CREM: variants seen among roughly 807,000 people sequenced by gnomAD.
The protein encoded by CREM is cAMP-responsive element modulator.
In CREM, 13 loss-of-function variants were observed where a neutral mutation model predicts 37.3. That is an observed-to-expected ratio of 0.35 (90% CI 0.23 to 0.55). The LOEUF (loss-of-function observed/expected upper bound fraction) is 0.55, where lower values mean the gene tolerates loss of function less well. Ranked by LOEUF, CREM falls within the 20% of genes least tolerant of loss-of-function variation. The probability of loss-of-function intolerance (pLI) is 0.88; values close to 1 mark genes in which losing one functional copy is unlikely to be tolerated. For missense variants in CREM, 296 were observed against 362.3 expected, an observed-to-expected ratio of 0.82 and a Z score of 1.49; for synonymous variants, 124 against 120.2, an observed-to-expected ratio of 1.03 and a Z score of -0.21.
intron 1 of CREM, among the ~76,000 whole-genome samples, chr10:35,135,926 C>G (rs1002410812): frequency 3.3e-5 from 5 of 152,076 alleles, no homozygotes; most frequent in African/African-American, 1.2e-4. Context: ...ATTTGGCAAG[C>G]AGGCAAGCGT....
intron 6 of CREM, among the ~76,000 whole-genome samples, chr10:35,193,010 C>T (rs2094982406): frequency 6.6e-6 from 1 of 152,208 alleles, no homozygotes; most frequent in African/African-American, 2.4e-5. Context: ...GCCTTCTTCA[C>T]ACATACCGAT....
chr10:35,147,899 C>T (rs1307313660), intron 2 of CREM, among the ~76,000 whole-genome samples: 1 of 152,128 alleles, frequency 6.6e-6, no homozygotes. Context: ...GAACCTGTTT[C>T]TTGAAGAAAA....
Position 35,154,858 on chromosome 10 carries a change from T to C in CREM, c.168+6367T>C, listed in dbSNP as rs2092801790. ...ATAATAAAAAGTAACTGGTGAACTG[T>C]TAATATTAGTAACCAACTTTTTTCA... On this transcript the variant is annotated intron_variant, in intron 3 of 7. Transcript: ENST00000685392. Among the ~76,000 whole-genome samples the C allele has an allele frequency of 1.2e-4, 19 of 152,230 alleles. 1 individual carries two copies. The highest frequency in any genetic ancestry group is 1.2e-3 in the Admixed American group (19 of 15,284).
rs1236953032 is a variant in CREM at position 35,187,218 on chromosome 10, T to A, written c.410-982T>A. Among the ~76,000 whole-genome samples, 322 of 106,514 alleles carry A rather than the reference T, an allele frequency of 3.0e-3. 4 individuals carry two copies. Among genetic ancestry groups the A allele is most frequent in the African/African-American group, 9.4e-3 (256 of 27,228 alleles). 69.9% of individuals were successfully genotyped at this position (106,514 alleles called of 152,430 possible). A position where few individuals can be genotyped will look rare whatever the true frequency, so the allele number is the denominator to read the frequency against. On this transcript the variant is annotated intron_variant, in intron 5 of 7. Transcript: ENST00000685392. Reference sequence around the variant, plus strand: ...TAATATATAATATATATTATATATTTATATATATAAAATATATAATTATAT... The same window carrying A: ...TAATATATAATATATATTATATATTAATATATATAAAATATATAATTATAT...
At position 35,212,625 on chromosome 10, in the gene CREM, G is replaced by T. The variant is rs933148339; in HGVS notation, c.*1227G>T. ...GCGCCCTTTCTACCATCTCACGGTG[G>T]GGATGGCCGCAGGGCTGTGCACCCA... On this transcript the variant is annotated 3_prime_UTR_variant, in exon 8 of 8. Transcript: ENST00000685392. 2.0e-5 allele frequency: 3 copies of T among 152,738 alleles called. No individual in the cohort carries two copies. Among genetic ancestry groups the T allele is most frequent in the African/African-American group, 4.8e-5 (2 of 41,418 alleles). The allele number at this position is 152,738 out of a possible 1,614,324, so 9.5% of individuals were successfully genotyped here. A position where few individuals can be genotyped will look rare whatever the true frequency, so the allele number is the denominator to read the frequency against.
intron 3 of CREM, among the ~76,000 whole-genome samples, chr10:35,165,487 A>T (rs1468345407): frequency 6.6e-6 from 1 of 152,150 alleles, no homozygotes; most frequent in East Asian, 1.9e-4. Flanking sequence ...ATCTACTTTT[A>T]TGTAATTCTT....
intron 3 of CREM, among the ~76,000 whole-genome samples, chr10:35,160,977 TG>T (rs1443152259): frequency 6.6e-6 from 1 of 152,216 alleles, no homozygotes; most frequent in Non-Finnish European, 1.5e-5. Context: ...TGCCTTCTTC[TG>T]GATACTCGCT....
At chr10:35,200,186 C>A (rs1431447999) in intron 6 of CREM, among the ~76,000 whole-genome samples, 1 of 152,074 alleles carries the variant, frequency 6.6e-6, no homozygotes, top group African/African-American at 2.4e-5. Context: ...CCACACCCAG[C>A]CTAAAATTGA....
chr10:35,188,214 G>C lies in CREM; in HGVS notation c.424G>C (p.Gly142Arg). 1.2e-6 allele frequency: 2 copies of C among 1,613,220 alleles called. No individual in the cohort carries two copies. The highest frequency in any genetic ancestry group is 1.1e-5 in the South Asian group (1 of 90,788). Residue 142 changes from glycine (G) to arginine (R), a missense_variant, in exon 6 of 8, where the codon GGT becomes CGT. This residue lies in a region of CREM where 257 missense variants were observed against 280.2 expected (regional missense o/e 0.92). Transcript: ENST00000685392. ...STGQYIAIAQ[G>R]GTIQISNPGS... ...TTTCTGTTAAGTTGCTATAGCCCAA[G>C]GTGGAACAATCCAGATTTCTAACCC...
chr10:35,146,150 A>G (rs948955815), intron 2 of CREM, among the ~76,000 whole-genome samples: 1 of 152,260 alleles, frequency 6.6e-6, no homozygotes, highest in African/African-American at 2.4e-5. Context: ...TTACTGGGGA[A>G]GGCCTTTCGG....
chr10:35,191,990 A>G (rs2094936847), intron 6 of CREM, among the ~76,000 whole-genome samples: 2 of 152,172 alleles, frequency 1.3e-5, no homozygotes, highest in African/African-American at 4.8e-5. Context: ...GTCTCCATTC[A>G]AAGTCACTGT....
intron 6 of CREM, among the ~76,000 whole-genome samples, chr10:35,203,355 A>G (rs1011388327): frequency 3.3e-5 from 5 of 152,030 alleles, no homozygotes; most frequent in African/African-American, 1.2e-4. Context: ...CTTGAACTTC[A>G]TTGTTCACCT....
rs759679394 is a variant in CREM at position 35,211,444 on chromosome 10, G to T, written c.*46G>T. The T allele has an allele frequency of 4.4e-6, 7 of 1,592,784 alleles. No individual in the cohort carries two copies. The East Asian group carries it at 8.9e-5, about 20-fold the overall frequency. On this transcript the variant is annotated 3_prime_UTR_variant, in exon 8 of 8. Transcript: ENST00000685392. ...GTTTACTCTAATCAAGGCAGGAGAT[G>T]CAGCAGTCCTACTTATTGCCATGTG... is the stretch of plus-strand genomic sequence containing the variant.
chr10:35,185,587 A>C (rs549965163), intron 5 of CREM, among the ~76,000 whole-genome samples: 2 of 152,234 alleles, frequency 1.3e-5, no homozygotes, highest in African/African-American at 4.8e-5. Context: ...TGACATTTTC[A>C]TACTTGTAAG....
chr10:35,135,148 T>C (rs2090231865), intron 1 of CREM, among the ~76,000 whole-genome samples: 1 of 152,282 alleles, frequency 6.6e-6, no homozygotes, highest in African/African-American at 2.4e-5. Context: ...TTTGTAATCA[T>C]ACCTAATAAA....
intron 6 of CREM, among the ~76,000 whole-genome samples, chr10:35,199,887 C>CTTTTTTTT: frequency 8.2e-6 from 1 of 121,366 alleles, no homozygotes; most frequent in Non-Finnish European, 1.6e-5. Context: ...GTTAAAATGG[C>CTTTTTTTT]TTTTTTTTTT....
chr10:35,135,003 A>C lies in CREM; in HGVS notation c.-54-2779A>C, dbSNP rs1184443425. On this transcript the variant is annotated intron_variant, in intron 1 of 7. Coordinates refer to ENST00000685392, the MANE Select transcript of CREM (RefSeq NM_183011.2). Reference sequence around the variant, plus strand: ...CAGTGAGCTGAGATGGTGCCACTGCACTCCAGCCTGGGCGACAGAGCAAGA... The same window carrying C: ...CAGTGAGCTGAGATGGTGCCACTGCCCTCCAGCCTGGGCGACAGAGCAAGA... Among the ~76,000 whole-genome samples, 3 of 151,218 alleles carry C rather than the reference A, an allele frequency of 2.0e-5. No homozygotes were observed. In the East Asian group the frequency reaches 5.9e-4, roughly 30 times the overall value.
chr10:35,150,554 G>A (rs2092521492), intron 3 of CREM, among the ~76,000 whole-genome samples: 1 of 152,150 alleles, frequency 6.6e-6, no homozygotes, highest in African/African-American at 2.4e-5. Context: ...AGGTGCAGTG[G>A]CTCATATCTG....
At position 35,149,938 on chromosome 10, in the gene CREM, A is replaced by ACACC. The variant is rs796295851; in HGVS notation, c.168+1448_168+1449insACCC. On this transcript the variant is annotated intron_variant, in intron 3 of 7. Coordinates refer to ENST00000685392, the MANE Select transcript of CREM (RefSeq NM_183011.2). ...CACACACACACACACACACACACAC[A>ACACC]CCCTTGTTAAAAAAAATGCATGTTC... Among the ~76,000 whole-genome samples the ACACC allele has an allele frequency of 4.9e-4, 71 of 145,524 alleles. 1 individual carries two copies. Among genetic ancestry groups the ACACC allele is most frequent in the Admixed American group, 1.9e-3 (27 of 14,428 alleles).
Sources: allele counts gnomAD v4.1 joint callset (sites outside exome capture counted in the v4.1 genomes callset), GRCh38; gene constraint gnomAD v4.1.1; regional missense constraint gnomAD v4.1.1; transcripts MANE v1.5; gene names NCBI Gene and HGNC (gene_info 2026-07-23, HGNC 2026-07-21).